KLHL5: variants seen among roughly 807,000 people sequenced by gnomAD.
The protein encoded by KLHL5 is kelch-like protein 5.
A neutral mutation model predicts 77.7 loss-of-function variants in KLHL5; 48 were observed. That is an observed-to-expected ratio of 0.62 (90% confidence interval 0.49 to 0.79). The LOEUF is 0.79. KLHL5 is among the 30% of genes least tolerant of loss of function. KLHL5 has a pLI of 0.00. For missense variants in KLHL5, 723 were observed against 859.7 expected (o/e 0.84, Z 1.99); for synonymous variants, 260 against 297.0 (o/e 0.88, Z 1.28).
intron 6 of KLHL5, among the ~76,000 whole-genome samples, chr4:39,101,450 G>C (rs1169326154): frequency 6.6e-6 from 1 of 151,154 alleles, no homozygotes; most frequent in East Asian, 1.9e-4. Context: ...AAGCATATGA[G>C]TAAAAAACCT....
At chr4:39,054,041 G>A (rs1213047551) in intron 1 of KLHL5, among the ~76,000 whole-genome samples, 1 of 152,182 alleles carries the variant, frequency 6.6e-6, no homozygotes, top group Non-Finnish European at 1.5e-5. Flanking sequence ...TGTTCCTTAA[G>A]TATTCTGTTC....
chr4:39,134,283 G>T, the KLHL5 span, among the ~76,000 whole-genome samples: 12 of 152,154 alleles, frequency 7.9e-5, no homozygotes, highest in Non-Finnish European at 8.8e-5. Context: ...CTTTAGACTT[G>T]TTCATTTGAT....
intron 8 of KLHL5, among the ~76,000 whole-genome samples, chr4:39,112,278 A>G (rs1289927736): frequency 6.6e-6 from 1 of 152,220 alleles, no homozygotes; most frequent in Non-Finnish European, 1.5e-5. Context: ...TCACATGATA[A>G]CCTATATCCT....
At chr4:39,101,768 C>T (rs192231617) in intron 6 of KLHL5, among the ~76,000 whole-genome samples, 1 of 150,170 alleles carries the variant, frequency 6.7e-6, no homozygotes, top group Admixed American at 6.7e-5. Context: ...ATTGCTTGAA[C>T]TTGGGAGGTG....
At chr4:39,062,141 ATTATTT>A (rs1318202274), upstream of KLHL5, 2 of 644,150 alleles carry the variant, frequency 3.1e-6, no homozygotes, top group African/African-American at 4.0e-5. Context: ...TTTTAAAGTG[ATTATTT>A]TTAAGTACAA....
At chr4:39,119,901 A>G (rs929406184) in intron 10 of KLHL5, among the ~76,000 whole-genome samples, 1 of 142,736 alleles carries the variant, frequency 7.0e-6, no homozygotes, top group African/African-American at 2.5e-5. Context: ...CGATAATGCT[A>G]TCAATAAGTA....
chr4:39,130,521 T>C (rs1197405021), downstream of KLHL5, among the ~76,000 whole-genome samples: 1 of 152,176 alleles, frequency 6.6e-6, no homozygotes, highest in Admixed American at 6.6e-5. Context: ...GGTCAGTTTA[T>C]GGCCAGATTT....
rs79806180 is a variant in KLHL5 at position 39,092,891 on chromosome 4, G to A, written c.1114-3801G>A. On this transcript the variant is annotated intron_variant, in intron 5 of 10. Transcript: ENST00000504108. The stretch of plus-strand genomic sequence containing the variant: ...AGGATGTGCAAAAACAGGAACCCTC[G>A]TACAGTGCTGGTGGGAATGTAAGAC... Among the ~76,000 whole-genome samples the A allele has an allele frequency of 8.5e-5, 13 of 152,234 alleles. No homozygotes were observed. The East Asian group carries it at 2.3e-3, about 27-fold the overall frequency.
At chr4:39,117,518 A>G (rs1722925095) in intron 10 of KLHL5, among the ~76,000 whole-genome samples, 1 of 152,188 alleles carries the variant, frequency 6.6e-6, no homozygotes, top group Non-Finnish European at 1.5e-5. Context: ...CATTCAATGT[A>G]GATGGATTCA....
rs995804370 is a variant in KLHL5, at chr4:39,125,472, A to G, written c.*4406A>G. 2.6e-5 allele frequency among the ~76,000 whole-genome samples: 4 copies of G among 152,366 alleles called. No individual in the cohort carries two copies. Among genetic ancestry groups the G allele is most frequent in the Admixed American group, 1.3e-4 (2 of 15,306 alleles). ...GCCATCAGCTGATGAATGAATAAACAAATTGTGGTATCTCCACACGGCACA... is the reference window on the plus strand; with the variant it reads ...GCCATCAGCTGATGAATGAATAAACGAATTGTGGTATCTCCACACGGCACA... On this transcript the variant is annotated 3_prime_UTR_variant, in exon 11 of 11. Transcript: ENST00000504108.
At chr4:39,117,415 T>C (rs1478074783) in intron 10 of KLHL5, among the ~76,000 whole-genome samples, 1 of 152,106 alleles carries the variant, frequency 6.6e-6, no homozygotes, top group Non-Finnish European at 1.5e-5. Context: ...ATGATGCAGT[T>C]GGGGTCGCAT....
chr4:39,105,393 T>A (rs1010273206), intron 7 of KLHL5, among the ~76,000 whole-genome samples: 4 of 151,938 alleles, frequency 2.6e-5, no homozygotes, highest in African/African-American at 9.7e-5. Flanking sequence ...GCAACCTGCC[T>A]GCCTCAGCCT....
intron 1 of KLHL5, among the ~76,000 whole-genome samples, chr4:39,075,714 A>G (rs1333766060): frequency 6.6e-6 from 1 of 152,214 alleles, no homozygotes; most frequent in African/African-American, 2.4e-5. Context: ...AGACCTCACA[A>G]AAAGATACTA....
At chr4:39,052,408 C>G (rs1196798631) in intron 1 of KLHL5, among the ~76,000 whole-genome samples, 3 of 152,098 alleles carry the variant, frequency 2.0e-5, no homozygotes, top group Non-Finnish European at 2.9e-5. Context: ...GTATGAGCCA[C>G]CACACCTGGC....
intron 10 of KLHL5, among the ~76,000 whole-genome samples, chr4:39,119,292 A>G (rs1270445017): frequency 2.0e-5 from 3 of 152,170 alleles, no homozygotes; most frequent in African/African-American, 7.2e-5. Context: ...TCTGAAAAAT[A>G]AAAGTTTTCC....
intron 10 of KLHL5, among the ~76,000 whole-genome samples, 197 bp from the exon 11 acceptor site, chr4:39,120,813 A>T (rs1723158700): frequency 6.6e-6 from 1 of 152,266 alleles, no homozygotes; most frequent in Non-Finnish European, 1.5e-5. Flanking sequence ...TACCCAAAAC[A>T]ACTTAGTCTA....
At chr4:39,059,314 G>C (rs531431637), upstream of KLHL5, among the ~76,000 whole-genome samples, 33 of 151,690 alleles carry the variant, frequency 2.2e-4, no homozygotes, top group Non-Finnish European at 2.8e-4. Flanking sequence ...AAAAAAAAGG[G>C]GCCTAAATAG....
At chr4:39,141,884 A>T in the KLHL5 span, among the ~76,000 whole-genome samples, 1 of 152,370 alleles carries the variant, frequency 6.6e-6, no homozygotes, top group African/African-American at 2.4e-5. Flanking sequence ...ATGAGAGAAC[A>T]TGAGCAAATC....
intron 1 of KLHL5, among the ~76,000 whole-genome samples, chr4:39,071,139 T>C (rs537500057): frequency 6.6e-6 from 1 of 152,280 alleles, no homozygotes; most frequent in African/African-American, 2.4e-5. Flanking sequence ...GGGCACATGC[T>C]TAAAAGTATA....
Sources: allele counts gnomAD v4.1 joint callset (sites outside exome capture counted in the v4.1 genomes callset), GRCh38; gene constraint gnomAD v4.1.1; transcripts MANE v1.5; gene names NCBI Gene and HGNC (gene_info 2026-07-23, HGNC 2026-07-21).